Variants in ZNF385B observed in about 807,000 individuals in gnomAD.
ZNF385B encodes zinc finger protein 533.
Under a neutral mutation model 39.2 loss-of-function variants are expected in ZNF385B, and 23 were observed. That is an observed-to-expected ratio of 0.59 (90% CI 0.42 to 0.83). The LOEUF is 0.83. ZNF385B is among the 40% of genes least tolerant of loss of function. ZNF385B has a pLI of 0.00. For synonymous variants in ZNF385B, 205 were observed against 222.6 expected (o/e 0.92, Z 0.70); for missense variants, 552 against 598.9 (o/e 0.92, Z 0.82).
chr2:179,709,032 G>A (rs1054821299), intron 3 of ZNF385B, among the ~76,000 whole-genome samples: 4 of 152,172 alleles, frequency 2.6e-5, no homozygotes, highest in African/African-American at 9.7e-5. Context: ...TTTTGTTGTA[G>A]ATTTAGCCAA....
At chr2:179,514,201 T>G (rs1424639248) in intron 5 of ZNF385B, 1 of 152,642 alleles carries the variant, frequency 6.6e-6, no homozygotes, top group African/African-American at 2.4e-5. Flanking sequence ...CTTTTCCAGC[T>G]TCTAGAGGTT....
In ZNF385B at chr2:179,618,779, C is replaced by A. The variant is rs559515543; in HGVS notation, c.299-73810G>T. ...CGCTTTGCTTGCCTCTAAGCTAAAA[C>A]TTCCATGTTTCTGCTGCCAGTAGTG... is the stretch of plus-strand genomic sequence containing the variant. On this transcript the variant is annotated intron_variant, in intron 3 of 9. Coordinates refer to ENST00000410066, the MANE Select transcript of ZNF385B (RefSeq NM_152520.6). Among the ~76,000 whole-genome samples the A allele has an allele frequency of 6.6e-5, 10 of 152,322 alleles. No homozygotes were observed. In the East Asian group the frequency reaches 1.7e-3, roughly 26 times the overall value.
intron 3 of ZNF385B, among the ~76,000 whole-genome samples, chr2:179,739,668 A>G (rs1364798432): frequency 6.6e-6 from 1 of 152,180 alleles, no homozygotes; most frequent in Non-Finnish European, 1.5e-5. Flanking sequence ...TAATCGTATG[A>G]TCATGGTGGC....
chr2:179,826,715 T>G (rs186430139), intron 1 of ZNF385B, among the ~76,000 whole-genome samples: 139 of 152,250 alleles, frequency 9.1e-4, no homozygotes, highest in African/African-American at 3.3e-3. Flanking sequence ...AAAAATTCTT[T>G]AACTTGCCTG....
chr2:179,510,631 A>G (rs2057605140), intron 5 of ZNF385B, among the ~76,000 whole-genome samples: 1 of 152,166 alleles, frequency 6.6e-6, no homozygotes, highest in South Asian at 2.1e-4. Context: ...TTTAAGTAAA[A>G]TACCTCTGAT....
chr2:179,585,045 C>T (rs997369293), intron 3 of ZNF385B, among the ~76,000 whole-genome samples: 2 of 152,132 alleles, frequency 1.3e-5, no homozygotes, highest in African/African-American at 4.8e-5. Context: ...ATTAGGAAGA[C>T]ATTGGTGACC....
At position 179,621,793 on chromosome 2, in the gene ZNF385B, A is replaced by T. The variant is rs1475639229; in HGVS notation, c.299-76824T>A. On this transcript the variant is annotated intron_variant, in intron 3 of 9. Transcript: ENST00000410066. ...TGTCACACCTTTGATCACATTTTTC[A>T]GTGCAACCTGAAAATCCAATAATTA... Among the ~76,000 whole-genome samples, 8 of 152,314 alleles carry T rather than the reference A, an allele frequency of 5.3e-5. No homozygotes were observed. In the East Asian group the frequency reaches 1.5e-3, roughly 29 times the overall value.
In ZNF385B at chr2:179,671,237, G is replaced by A. The variant is rs146296435; in HGVS notation, c.298+98266C>T. 1.3e-4 allele frequency among the ~76,000 whole-genome samples: 20 copies of A among 152,140 alleles called. No individual in the cohort carries two copies. In the East Asian group the frequency reaches 2.1e-3, roughly 16 times the overall value. ...CTTTGGCTTTTCTTATGCTCCTCCC[G>A]CTTGAAATACTGAATTCCTGCATGT... On this transcript the variant is annotated intron_variant, in intron 3 of 9. Transcript: ENST00000410066.
intron 1 of ZNF385B, among the ~76,000 whole-genome samples, chr2:179,857,628 G>T (rs926594641): frequency 6.6e-5 from 10 of 152,170 alleles, no homozygotes; most frequent in Non-Finnish European, 1.3e-4. Flanking sequence ...AAGGAGACTT[G>T]GGACTCTATG....
chr2:179,752,116 G>A (rs1427913278), intron 3 of ZNF385B, among the ~76,000 whole-genome samples: 1 of 151,954 alleles, frequency 6.6e-6, no homozygotes, highest in African/African-American at 2.4e-5. Context: ...CCCGGTGTGT[G>A]ATGTTCCCCT....
chr2:179,453,069 A>G (rs2050316703), intron 6 of ZNF385B, among the ~76,000 whole-genome samples: 1 of 152,198 alleles, frequency 6.6e-6, no homozygotes, highest in Admixed American at 6.6e-5. Context: ...TCTGTAACTA[A>G]TATTTTTCAC....
chr2:179,496,586 A>G (rs1167204753), intron 5 of ZNF385B, among the ~76,000 whole-genome samples: 1 of 152,238 alleles, frequency 6.6e-6, no homozygotes, highest in Non-Finnish European at 1.5e-5. Flanking sequence ...TTCTAAAAGC[A>G]GCAAGAGAAA....
At chr2:179,781,040 T>C (rs994951042) in intron 1 of ZNF385B, among the ~76,000 whole-genome samples, 1 of 152,210 alleles carries the variant, frequency 6.6e-6, no homozygotes, top group African/African-American at 2.4e-5. Flanking sequence ...CTTTGCATTT[T>C]CATATTACAA....
chr2:179,800,269 A>AAGAATATTATATG (rs1705944442), intron 1 of ZNF385B, among the ~76,000 whole-genome samples: 1 of 152,088 alleles, frequency 6.6e-6, no homozygotes, highest in South Asian at 2.1e-4. Flanking sequence ...TTGTTAAAGA[A>AAGAATATTATATG]AGAATATTAT....
intron 3 of ZNF385B, among the ~76,000 whole-genome samples, chr2:179,729,191 C>G (rs115899643): frequency 0.011 from 1,684 of 148,382 alleles, 30 homozygotes; most frequent in African/African-American, 0.04. Context: ...CCCTGAAAAT[C>G]CCAAAAGGAA....
intron 6 of ZNF385B, among the ~76,000 whole-genome samples, chr2:179,449,119 A>G (rs948526793): frequency 2.6e-5 from 4 of 152,166 alleles, no homozygotes; most frequent in African/African-American, 9.7e-5. Flanking sequence ...AATAGTAAAT[A>G]AAGTAAGTAT....
intron 1 of ZNF385B, among the ~76,000 whole-genome samples, chr2:179,773,754 T>A (rs536750958): frequency 6.6e-6 from 1 of 152,166 alleles, no homozygotes; most frequent in East Asian, 1.9e-4. Flanking sequence ...CAATGAGAAA[T>A]ACAGAGGAGA....
chr2:179,814,524 G>A (rs1424253613), intron 1 of ZNF385B: 2 of 738,242 alleles, frequency 2.7e-6, no homozygotes, highest in South Asian at 2.8e-5. Context: ...GCACATCATG[G>A]TTGTCTTGGG....
chr2:179,735,189 AAAAC>A (rs1358909421), intron 3 of ZNF385B, among the ~76,000 whole-genome samples: 1 of 151,708 alleles, frequency 6.6e-6, no homozygotes, highest in Non-Finnish European at 1.5e-5. Flanking sequence ...TTACAAGAAA[AAAAC>A]AAACAACCCC....
Sources: gnomAD v4.1 joint callset for allele counts (sites outside exome capture counted in the v4.1 genomes callset) on GRCh38, gnomAD v4.1.1 for gene constraint, MANE v1.5 for transcripts, NCBI Gene and HGNC (gene_info 2026-07-23, HGNC 2026-07-21) for gene names.